Variants in MBOAT7 observed in about 807,000 individuals in gnomAD.
The protein encoded by MBOAT7 is membrane bound acylglycerophosphatidylinositol O-acyltransferase MBOAT7.
In MBOAT7, 40 loss-of-function variants were observed where a neutral mutation model predicts 47.4. The ratio of observed to expected loss-of-function variants is 0.84; its 90% CI spans 0.66 to 1.10. The LOEUF (loss-of-function observed/expected upper bound fraction) is 1.10. Ranked by LOEUF, MBOAT7 falls within the 50% of genes least tolerant of loss-of-function variation. MBOAT7 has a pLI of 0.00. For missense variants in MBOAT7, 680 were observed against 655.6 expected, an observed-to-expected ratio of 1.04 and a Z score of -0.41; for synonymous variants, 361 against 292.0, an observed-to-expected ratio of 1.24 and a Z score of -2.41.
intron 7 of MBOAT7, chr19:54,178,518 A>C (rs182705664): frequency 7.1e-7 from 1 of 1,410,560 alleles, no homozygotes; most frequent in African/African-American, 1.4e-5. Context: ...CACAGGACTC[A>C]GTACATTGCT....
chr19:54,173,558 C>T lies in MBOAT7; in HGVS notation c.*486G>A, dbSNP rs538881607. 34 of 179,462 alleles carry T rather than the reference C, an allele frequency of 1.9e-4. No individual in the cohort carries two copies. The highest frequency in any genetic ancestry group is 5.9e-4 in the African/African-American group (25 of 42,374). The allele number at this position is 179,462 out of a possible 1,614,324, so 11.1% of individuals were successfully genotyped here. ...ACGGCCGTCCCCAGGCCCGCGCACCCGCACCTCAGTTTCCCCTTTGTGAAA... is the reference window on the plus strand; with the variant it reads ...ACGGCCGTCCCCAGGCCCGCGCACCTGCACCTCAGTTTCCCCTTTGTGAAA... On this transcript the variant is annotated 3_prime_UTR_variant, in exon 8 of 8. Transcript: ENST00000245615.
At chr19:54,178,625 G>A in intron 7 of MBOAT7, 140 bp downstream of exon 7, 7 of 1,439,022 alleles carry the variant, frequency 4.9e-6, no homozygotes, top group Non-Finnish European at 6.4e-6. Flanking sequence ...TTAGAGGCAG[G>A]GCAAAACCAG....
intron 7 of MBOAT7, among the ~76,000 whole-genome samples, chr19:54,174,733 C>G (rs796367993): frequency 6.8e-6 from 1 of 146,708 alleles, no homozygotes; most frequent in East Asian, 2.3e-4. Flanking sequence ...CAGACCCCAC[C>G]TCCCTCCTCC....
At chr19:54,186,258 G>T (rs539179989) in intron 4 of MBOAT7, among the ~76,000 whole-genome samples, 1 of 150,596 alleles carries the variant, frequency 6.6e-6, no homozygotes, top group African/African-American at 2.4e-5. Context: ...CAGGTGATCC[G>T]CCTGCCTCAG....
In MBOAT7 at chr19:54,189,554, A is replaced by C. The variant is rs1262391311; in HGVS notation, c.-220T>G. ...GCAGAAGCCGAGAGCGCGAGTCGGC[A>C]ACGGGATTCGAGTCCAGGTCCACAC... On this transcript the variant is annotated 5_prime_UTR_variant, in exon 1 of 8. Coordinates refer to ENST00000245615, the MANE Select transcript of MBOAT7 (RefSeq NM_024298.5). 1 of 152,740 alleles carries C rather than the reference A, an allele frequency of 6.5e-6. No individual in the cohort carries two copies. Among genetic ancestry groups the C allele is most frequent in the Non-Finnish European group, 1.5e-5 (1 of 68,314 alleles). 9.5% of individuals were successfully genotyped at this position (152,740 alleles called of 1,614,324 possible). A position where few individuals can be genotyped will look rare whatever the true frequency, so the allele number is the denominator to read the frequency against.
rs958001332 is a variant in MBOAT7, at chr19:54,174,229, T to G, written c.1234A>C (p.Met412Leu). ...LKMRAYDYMCMGFVLLSLADT... is the reference protein window; with the variant it reads ...LKMRAYDYMCLGFVLLSLADT... ...GCCAAGGAGAGCAGCACGAAGCCCA[T>G]GCACATGTAGTCATAGGCGCGCATC... The change falls in exon 8 of 8, where the codon ATG (methionine) becomes CTG (leucine). Residue 412 changes from methionine (M) to leucine (L), a missense_variant. By Grantham distance (15) the Met-to-Leu change is conservative. Coordinates refer to ENST00000245615, the MANE Select transcript of MBOAT7 (RefSeq NM_024298.5). 1 of 1,604,138 alleles carries G rather than the reference T, an allele frequency of 6.2e-7. No homozygotes were observed. The highest frequency in any genetic ancestry group is 1.1e-5 in the South Asian group (1 of 90,412).
At chr19:54,178,571 C>T in intron 7 of MBOAT7, 194 bp downstream of exon 7, 12 of 1,426,258 alleles carry the variant, frequency 8.4e-6, no homozygotes, top group Non-Finnish European at 1.1e-5. Context: ...CAACTGAGGC[C>T]CCGAGAGGGG....
At position 54,181,081 on chromosome 19, in the gene MBOAT7, G is replaced by C; in HGVS notation, c.546C>G (p.Pro182=). The change falls in exon 6 of 8, where the codon CCC becomes CCG. Residue 182 remains proline, a synonymous_variant. Coordinates refer to ENST00000245615, the MANE Select transcript of MBOAT7 (RefSeq NM_024298.5). ...GGGGCCGCAGGCTGGGCACTGCCCCGGGGAAGGGCTGCTCCAGCCAGTCCA... is the reference window on the plus strand; with the variant it reads ...GGGGCCGCAGGCTGGGCACTGCCCCCGGGAAGGGCTGCTCCAGCCAGTCCA... ...TYLDWLEQPF[P]GAVPSLRPLL... 1 of 1,525,136 alleles carries C rather than the reference G, an allele frequency of 6.6e-7. No individual in the cohort carries two copies. Among genetic ancestry groups the C allele is most frequent in the Non-Finnish European group, 8.8e-7 (1 of 1,136,150 alleles). 94.5% of individuals were successfully genotyped at this position (1,525,136 alleles called of 1,614,324 possible). A position where few individuals can be genotyped will look rare whatever the true frequency, so the allele number is the denominator to read the frequency against.
chr19:54,178,883 A>C lies in MBOAT7; in HGVS notation c.913T>G (p.Tyr305Asp). The stretch of plus-strand genomic sequence containing the variant: ...ACCCGCACGCAGAAATCTGTGCTGT[A>C]GCAGTCGATGTTGCGGATGGTCTCA... The part of the protein sequence containing the change: ...DYETIRNIDC[Y>D]STDFCVRVRD... Residue 305 changes from tyrosine (Y) to aspartate (D), a missense_variant, in exon 7 of 8, where the codon TAC (tyrosine) becomes GAC (aspartate). Physicochemically the swap from Tyr to Asp is radical, Grantham distance 160. Coordinates refer to ENST00000245615, the MANE Select transcript of MBOAT7 (RefSeq NM_024298.5). 6.2e-7 allele frequency: 1 copy of C among 1,613,684 alleles called. No individual in the cohort carries two copies. The highest frequency in any genetic ancestry group is 8.5e-7 in the Non-Finnish European group (1 of 1,180,032).
chr19:54,188,042 A>AC lies in MBOAT7; in HGVS notation c.206+174_206+175insG, dbSNP rs2076492941. Among the ~76,000 whole-genome samples, 85 of 56,714 alleles carry AC rather than the reference A, an allele frequency of 1.5e-3. 1 individual carries two copies. The highest frequency in any genetic ancestry group is 3.6e-3 in the African/African-American group (82 of 22,700). The allele number at this position is 56,714 out of a possible 152,430, so 37.2% of individuals were successfully genotyped here. On this transcript the variant is annotated intron_variant, in intron 3 of 7. Coordinates refer to ENST00000245615, the MANE Select transcript of MBOAT7 (RefSeq NM_024298.5). Reference sequence around the variant, plus strand: ...GAAAGAAAGAAAGAAAGAAAGAAAGAAAGAAAGAAAGAAAGAAAGAAAGAA... The same window carrying AC: ...GAAAGAAAGAAAGAAAGAAAGAAAGACAAGAAAGAAAGAAAGAAAGAAAGAA...
At chr19:54,181,276 G>A in intron 5 of MBOAT7, 143 bp from the exon 6 acceptor site, 1 of 995,938 alleles carries the variant, frequency 1.0e-6, no homozygotes, top group Non-Finnish European at 1.4e-6. Flanking sequence ...GACCCCAAGG[G>A]TAGGGACTGA....
chr19:54,177,709 T>G (rs991159378), intron 7 of MBOAT7, among the ~76,000 whole-genome samples: 4 of 151,886 alleles, frequency 2.6e-5, no homozygotes, highest in African/African-American at 9.7e-5. Context: ...CCCTAGTAGC[T>G]GGGATTATAG....
chr19:54,178,154 C>T (rs1328623241), intron 7 of MBOAT7: 2 of 829,156 alleles, frequency 2.4e-6, no homozygotes, highest in Non-Finnish European at 2.9e-6. Flanking sequence ...TCATGATCCA[C>T]CTGCTTGGGC....
At chr19:54,187,021 A>G in intron 4 of MBOAT7, 140 bp downstream of exon 4, 1 of 1,049,694 alleles carries the variant, frequency 9.5e-7, no homozygotes, top group Non-Finnish European at 1.3e-6. Flanking sequence ...TGCTGTGCCC[A>G]GGGCAGCAAG....
Position 54,174,287 on chromosome 19 carries a change from C to T in MBOAT7, c.1176G>A (p.Gln392=), listed in dbSNP as rs377687729. ...ACCAGTGCACCCAGTCCCAGGCCTT[C>T]TGGCCCCCTGGGCTCAGCCGCCCCC... ...ALRGRLSPGG[Q]KAWDWVHWFL... is the part of the protein sequence containing the mutation. The change falls in exon 8 of 8, where the codon CAG becomes CAA. Residue 392 remains glutamine, a synonymous_variant. Coordinates refer to ENST00000245615, the MANE Select transcript of MBOAT7 (RefSeq NM_024298.5). The T allele has an allele frequency of 6.8e-6, 11 of 1,612,918 alleles. No individual in the cohort carries two copies. In the African/African-American group the frequency reaches 1.2e-4, roughly 18 times the overall value.
At chr19:54,184,201 T>A (rs905066270) in intron 4 of MBOAT7, among the ~76,000 whole-genome samples, 8 of 54,774 alleles carry the variant, frequency 1.5e-4, no homozygotes, top group Admixed American at 1.1e-3. Context: ...TTTTGCTCTG[T>A]CACCAGGCTG....
chr19:54,182,995 C>T (rs1230969646), intron 5 of MBOAT7, among the ~76,000 whole-genome samples: 1 of 57,672 alleles, frequency 1.7e-5, no homozygotes, highest in Non-Finnish European at 3.6e-5. Context: ...GCCACTGCGC[C>T]CGGCCCTTTA....
chr19:54,181,446 A>G (rs1340713848), intron 5 of MBOAT7, among the ~76,000 whole-genome samples: 3 of 151,774 alleles, frequency 2.0e-5, no homozygotes, highest in Admixed American at 6.6e-5. Context: ...GCTTGAGCCC[A>G]ACAGTTGGAC....
In MBOAT7 at chr19:54,181,034, GC is replaced by G; in HGVS notation, c.592del (p.Ala198ProfsTer37). ...LRPLLRRAWP[A>X]PLFGLLFLLS... ...CAGGAACAGCAGGCCGAAGAGCGGG[GC>G]CGGCCAGGCGCGGCGCAGCAGGGGC... On this transcript the variant is annotated frameshift_variant, in exon 6 of 8. Coordinates refer to ENST00000245615, the MANE Select transcript of MBOAT7 (RefSeq NM_024298.5). LOFTEE classifies it high-confidence loss of function. The G allele has an allele frequency of 1.3e-6, 2 of 1,550,576 alleles. No homozygotes were observed. The highest frequency in any genetic ancestry group is 8.7e-7 in the Non-Finnish European group (1 of 1,147,682).
Sources: allele counts gnomAD v4.1 joint callset (sites outside exome capture counted in the v4.1 genomes callset), GRCh38; gene constraint gnomAD v4.1.1; transcripts MANE v1.5; gene names NCBI Gene and HGNC (gene_info 2026-07-23, HGNC 2026-07-21).